Variants in AFF3 observed in about 807,000 individuals in gnomAD.
AFF3 encodes the protein ALF transcription elongation factor 3.
AFF3 carries 32 observed loss-of-function variants against 129.7 expected under a neutral mutation model. The ratio of observed to expected loss-of-function variants is 0.25; its 90% CI spans 0.19 to 0.33. The LOEUF is 0.33. Among genes scored for constraint, AFF3 ranks in the 10% least tolerant of loss-of-function variants. The probability of loss-of-function intolerance (pLI) is 1.00; values close to 1 mark genes in which losing one functional copy is unlikely to be tolerated. For missense variants in AFF3, 1,373 were observed against 1,592.0 expected, an observed-to-expected ratio of 0.86 and a Z score of 2.34; for synonymous variants, 644 against 635.4, an observed-to-expected ratio of 1.01 and a Z score of -0.20.
At chr2:100,131,620 C>T (rs974368603) in intron 1 of AFF3, among the ~76,000 whole-genome samples, 4 of 151,938 alleles carry the variant, frequency 2.6e-5, no homozygotes, top group African/African-American at 4.8e-5. Flanking sequence ...CCACCACACC[C>T]GGCTAATTTT....
At chr2:99,999,693 G>A (rs527360979) in intron 7 of AFF3, among the ~76,000 whole-genome samples, 65 of 152,318 alleles carry the variant, frequency 4.3e-4, no homozygotes, top group African/African-American at 1.4e-3. Flanking sequence ...GCCAGCCACC[G>A]TGCTAAGCAC....
intron 13 of AFF3, among the ~76,000 whole-genome samples, chr2:99,645,024 G>A (rs535912521): frequency 1.3e-5 from 2 of 152,280 alleles, no homozygotes; most frequent in South Asian, 4.1e-4. Flanking sequence ...CTTGTAATTG[G>A]CTTCTTTACT....
intron 7 of AFF3, among the ~76,000 whole-genome samples, chr2:99,919,295 T>C (rs1695698286): frequency 6.6e-6 from 1 of 152,174 alleles, no homozygotes; most frequent in African/African-American, 2.4e-5. Flanking sequence ...CAATTAAAAC[T>C]AGATATATAA....
At chr2:100,045,556 C>T (rs573614369) in intron 4 of AFF3, among the ~76,000 whole-genome samples, 7 of 149,642 alleles carry the variant, frequency 4.7e-5, no homozygotes, top group East Asian at 2.0e-4. Flanking sequence ...CATGGGTCCA[C>T]TTATTGTAGG....
chr2:99,913,687 G>A (rs1247344487), intron 7 of AFF3, among the ~76,000 whole-genome samples: 2 of 152,052 alleles, frequency 1.3e-5, no homozygotes, highest in African/African-American at 4.8e-5. Flanking sequence ...TCTAGGTTGG[G>A]GTTGTAGAAT....
chr2:99,789,624 G>T (rs1202823871), intron 8 of AFF3, among the ~76,000 whole-genome samples: 1 of 152,068 alleles, frequency 6.6e-6, no homozygotes, highest in Non-Finnish European at 1.5e-5. Flanking sequence ...ATGGATGGCA[G>T]CCCAGCCTCT....
intron 16 of AFF3, among the ~76,000 whole-genome samples, chr2:99,586,606 T>C (rs1454304124): frequency 6.6e-6 from 1 of 152,218 alleles, no homozygotes; most frequent in East Asian, 1.9e-4. Flanking sequence ...GATCTTGCTT[T>C]GCTTGTAAGC....
rs78985474 is a variant in AFF3 at position 99,900,516 on chromosome 2, C to T, written c.874-62992G>A. Among the ~76,000 whole-genome samples the T allele has an allele frequency of 6.7e-3, 1,014 of 152,230 alleles. 8 individuals are homozygous for T. The highest frequency in any genetic ancestry group is 0.023 in the African/African-American group (966 of 41,532). Reference sequence around the variant, plus strand: ...TTCACACAGACCACTGGACCACTGCCGCCTTCAAAGACCCCTGCCCATAGC... The same window carrying T: ...TTCACACAGACCACTGGACCACTGCTGCCTTCAAAGACCCCTGCCCATAGC... On this transcript the variant is annotated intron_variant, in intron 7 of 24. Transcript: ENST00000672756.
intron 8 of AFF3, among the ~76,000 whole-genome samples, chr2:99,766,651 G>C (rs1243039250): frequency 6.6e-6 from 1 of 152,076 alleles, no homozygotes; most frequent in African/African-American, 2.4e-5. Flanking sequence ...AGATCTTCAA[G>C]AAAAGAGAAG....
intron 4 of AFF3, among the ~76,000 whole-genome samples, chr2:100,019,210 C>T (rs540453315): frequency 6.6e-6 from 1 of 152,246 alleles, no homozygotes; most frequent in East Asian, 1.9e-4. Flanking sequence ...AAGGCTCATG[C>T]TCTTCCCGAA....
chr2:99,841,069 T>A (rs933601655), intron 7 of AFF3, among the ~76,000 whole-genome samples: 4 of 152,234 alleles, frequency 2.6e-5, no homozygotes, highest in African/African-American at 9.6e-5. Flanking sequence ...CCTGGTGGAA[T>A]CACCCAGATA....
chr2:99,674,495 A>C (rs1687440914), intron 11 of AFF3, among the ~76,000 whole-genome samples: 1 of 151,874 alleles, frequency 6.6e-6, no homozygotes, highest in African/African-American at 2.4e-5. Flanking sequence ...AAAAGACCAG[A>C]GAAGGGGACA....
intron 7 of AFF3, among the ~76,000 whole-genome samples, chr2:99,942,874 C>T (rs968193989): frequency 6.6e-6 from 1 of 152,118 alleles, no homozygotes. Flanking sequence ...TTTATCTGTG[C>T]CTTAATCCCA....
At chr2:99,812,610 T>A (rs1490681845) in intron 8 of AFF3, among the ~76,000 whole-genome samples, 3 of 152,182 alleles carry the variant, frequency 2.0e-5, no homozygotes, top group Non-Finnish European at 2.9e-5. Context: ...GGAAGTCGAG[T>A]GTGACTCCCT....
chr2:100,140,653 T>C (rs924269606), intron 1 of AFF3, among the ~76,000 whole-genome samples: 2 of 152,218 alleles, frequency 1.3e-5, no homozygotes, highest in African/African-American at 4.8e-5. Context: ...ATGCATGTTA[T>C]ATACTATCAT....
chr2:99,551,606 A>C lies in AFF3; in HGVS notation c.3560-11T>G. 1 of 1,613,976 alleles carries C rather than the reference A, an allele frequency of 6.2e-7. No individual in the cohort carries two copies. Among genetic ancestry groups the C allele is most frequent in the Non-Finnish European group, 8.5e-7 (1 of 1,179,928 alleles). On this transcript the variant is annotated splice_polypyrimidine_tract_variant and intron_variant, in intron 24 of 24. Transcript: ENST00000672756. The stretch of plus-strand genomic sequence containing the variant: ...GGTCGTTGAAGAATTCTAGGGGGAC[A>C]GAAAGAGTTGTTAAGAATGCCACAC...
Position 99,582,858 on chromosome 2 carries a change from G to T in AFF3, c.2733C>A (p.Ala911=), listed in dbSNP as rs1290907799. 3 of 1,614,230 alleles carry T rather than the reference G, an allele frequency of 1.9e-6. No homozygotes were observed. The East Asian group carries it at 6.7e-5, about 36-fold the overall frequency. ...RPNGNSLFTS[A]SSSKKPKADS... The stretch of plus-strand genomic sequence containing the variant: ...CGGCCTTAGGCTTTTTGCTGGAAGA[G>T]GCTGAAGTAAACAAACTGTTGCCAT... The change falls in exon 17 of 25, where the codon GCC becomes GCA. Residue 911 remains alanine, a synonymous_variant. Transcript: ENST00000672756.
intron 7 of AFF3, among the ~76,000 whole-genome samples, chr2:99,866,522 C>T (rs1438028975): frequency 6.6e-6 from 1 of 152,124 alleles, no homozygotes; most frequent in Non-Finnish European, 1.5e-5. Context: ...AAGAAACTGC[C>T]ACCATCATCA....
At chr2:100,024,298 G>C (rs1240289062) in intron 4 of AFF3, among the ~76,000 whole-genome samples, 1 of 150,882 alleles carries the variant, frequency 6.6e-6, no homozygotes, top group East Asian at 2.0e-4. Flanking sequence ...AAACAGGCCG[G>C]GCAGGGTGGC....
Sources: gnomAD v4.1 joint callset for allele counts (sites outside exome capture counted in the v4.1 genomes callset) on GRCh38, gnomAD v4.1.1 for gene constraint, MANE v1.5 for transcripts, NCBI Gene and HGNC (gene_info 2026-07-23, HGNC 2026-07-21) for gene names.